Variants in ZDHHC15 observed in about 807,000 individuals in gnomAD.
The protein encoded by ZDHHC15 is palmitoyltransferase ZDHHC15.
Under a neutral mutation model 31.7 loss-of-function variants are expected in ZDHHC15, and 19 were observed. That is an observed-to-expected ratio of 0.60 (90% confidence interval 0.42 to 0.88). ZDHHC15 has a LOEUF of 0.88. Among genes scored for constraint, ZDHHC15 ranks in the 40% least tolerant of loss-of-function variants. The probability of loss-of-function intolerance (pLI) is 0.00; values close to 1 mark genes in which losing one functional copy is unlikely to be tolerated. For missense variants in ZDHHC15, 209 were observed against 251.2 expected (o/e 0.83, Z 1.14); for synonymous variants, 103 against 90.0 (o/e 1.14, Z -0.82).
intron 1 of ZDHHC15, among the ~76,000 whole-genome samples, chrX:75,520,057 C>T (rs1158546213): frequency 8.9e-6 from 1 of 111,880 alleles, no homozygotes; most frequent in Non-Finnish European, 1.9e-5. Context: ...TAAGTTTGGC[C>T]ATTTACTAGC....
In ZDHHC15 at chrX:75,407,360, G is replaced by A. The variant is rs769011554; in HGVS notation, c.967+9727C>T. Among the ~76,000 whole-genome samples, 15 of 110,594 alleles carry A rather than the reference G, an allele frequency of 1.4e-4. No homozygotes were observed. In the East Asian group the frequency reaches 2.4e-3, roughly 17 times the overall value. ...AGCCACCCCGTCTGGGAAGTGAGGAGTGTCTCCACCTGGCAGCCGCCCCGT... is the reference window on the plus strand; with the variant it reads ...AGCCACCCCGTCTGGGAAGTGAGGAATGTCTCCACCTGGCAGCCGCCCCGT... On this transcript the variant is annotated intron_variant, in intron 10 of 11. Transcript: ENST00000373367.
At chrX:75,448,695 C>T (rs1319737099) in intron 4 of ZDHHC15, among the ~76,000 whole-genome samples, 2 of 111,115 alleles carry the variant, frequency 1.8e-5, no homozygotes, top group Non-Finnish European at 3.8e-5. Flanking sequence ...AAAATTGTAA[C>T]CTTGTTATTG....
chrX:75,441,810 A>G (rs2083945908), intron 4 of ZDHHC15, among the ~76,000 whole-genome samples: 1 of 109,209 alleles, frequency 9.2e-6, no homozygotes, highest in African/African-American at 3.3e-5. Context: ...TTTTTAGTAG[A>G]GATGGGGTTT....
intron 10 of ZDHHC15, 130 bp downstream of exon 10, chrX:75,416,957 T>C (rs2083555660): frequency 2.1e-6 from 1 of 471,027 alleles, no homozygotes; most frequent in East Asian, 3.9e-5. Flanking sequence ...AATATGGCCA[T>C]ACTTGCTCTC....
At chrX:75,450,671 T>C in intron 4 of ZDHHC15, 131 bp downstream of exon 4, 1 of 1,176,318 alleles carries the variant, frequency 8.5e-7, no homozygotes, top group Non-Finnish European at 1.1e-6. Flanking sequence ...AAATAAAATG[T>C]GGAGAAAAAT....
At chrX:75,510,032 G>A (rs2085235890) in intron 1 of ZDHHC15, among the ~76,000 whole-genome samples, 1 of 111,607 alleles carries the variant, frequency 9.0e-6, no homozygotes, top group African/African-American at 3.3e-5. Context: ...ATAGGGAACT[G>A]AGACACATTT....
At chrX:75,379,327 G>T in intron 10 of ZDHHC15, 129 bp from the exon 11 acceptor site, 5 of 612,146 alleles carry the variant, frequency 8.2e-6, no homozygotes, top group Non-Finnish European at 1.3e-5. Context: ...TCTAAAGACT[G>T]ATGTGTAACA....
At chrX:75,483,028 C>T (rs970577663) in intron 2 of ZDHHC15, among the ~76,000 whole-genome samples, 1 of 102,465 alleles carries the variant, frequency 9.8e-6, no homozygotes, top group Non-Finnish European at 2.0e-5. Flanking sequence ...TATATATATA[C>T]ACACACATAC....
intron 2 of ZDHHC15, among the ~76,000 whole-genome samples, chrX:75,487,742 CCAGA>C (rs778297826): frequency 8.1e-5 from 9 of 111,326 alleles, no homozygotes; most frequent in Non-Finnish European, 1.3e-4. Context: ...CAAGGAGGCA[CCAGA>C]CAAAGGTGAA....
chrX:75,405,807 C>T (rs1248199811), intron 10 of ZDHHC15, among the ~76,000 whole-genome samples: 1 of 111,778 alleles, frequency 8.9e-6, no homozygotes, highest in Non-Finnish European at 1.9e-5. Flanking sequence ...ACACACTATA[C>T]CTAATAGGCC....
chrX:75,454,853 C>T, intron 3 of ZDHHC15, among the ~76,000 whole-genome samples: 1 of 111,334 alleles, frequency 9.0e-6, no homozygotes, highest in East Asian at 2.8e-4. Flanking sequence ...AACCACTGCT[C>T]AATTAAATAA....
intron 4 of ZDHHC15, among the ~76,000 whole-genome samples, chrX:75,441,743 C>T (rs1390528798): frequency 9.2e-6 from 1 of 108,912 alleles, no homozygotes; most frequent in Non-Finnish European, 1.9e-5. Context: ...CCTGCCTTAG[C>T]CCCCCGAGTA....
chrX:75,449,342 A>G (rs1212598177), intron 4 of ZDHHC15, among the ~76,000 whole-genome samples: 1 of 110,788 alleles, frequency 9.0e-6, no homozygotes, highest in Non-Finnish European at 1.9e-5. Context: ...GTATTTCCTC[A>G]GAGAAGCCTT....
At chrX:75,482,186 G>A (rs1455733972) in intron 2 of ZDHHC15, among the ~76,000 whole-genome samples, 1 of 111,075 alleles carries the variant, frequency 9.0e-6, no homozygotes, top group Non-Finnish European at 1.9e-5. Flanking sequence ...CTTACTATTT[G>A]GGTGATGGGC....
In ZDHHC15 at chrX:75,429,079, C is replaced by A; in HGVS notation, c.602G>T (p.Arg201Ile). The change falls in exon 7 of 12, where the codon AGA (arginine) becomes ATA (isoleucine). Residue 201 changes from arginine to isoleucine, a missense_variant and splice_region_variant. Physicochemically the swap from Arg to Ile is moderately conservative, Grantham distance 97. Coordinates refer to ENST00000373367, the MANE Select transcript of ZDHHC15 (RefSeq NM_144969.3). ...CCCTTCAGGATATTTTTAACTTACTCTCCAGTATTTGATGAAATAGCTGAA... is the reference window on the plus strand; with the variant it reads ...CCCTTCAGGATATTTTTAACTTACTATCCAGTATTTGATGAAATAGCTGAA... ...TVFSYFIKYW[R>I]GELPSVRSKF... 1 of 1,208,125 alleles carries A rather than the reference C, an allele frequency of 8.3e-7. No individual in the cohort carries two copies. The highest frequency in any genetic ancestry group is 1.8e-5 in the South Asian group (1 of 56,039).
intron 2 of ZDHHC15, among the ~76,000 whole-genome samples, chrX:75,489,909 C>T (rs1394839968): frequency 8.9e-6 from 1 of 111,995 alleles, no homozygotes; most frequent in East Asian, 2.8e-4. Flanking sequence ...CCTGATGGAG[C>T]TGAAAAACAA....
intron 2 of ZDHHC15, among the ~76,000 whole-genome samples, chrX:75,491,655 G>T (rs1157063756): frequency 9.0e-6 from 1 of 110,508 alleles, no homozygotes; most frequent in Non-Finnish European, 1.9e-5. Context: ...AAAAAGAAAA[G>T]AATTTTCAAC....
intron 3 of ZDHHC15, among the ~76,000 whole-genome samples, chrX:75,466,131 C>A (rs1318506365): frequency 9.0e-6 from 1 of 111,512 alleles, no homozygotes; most frequent in East Asian, 2.8e-4. Context: ...AAAAAGTGGG[C>A]AAACGACATG....
intron 3 of ZDHHC15, among the ~76,000 whole-genome samples, chrX:75,462,324 T>C (rs1266745004): frequency 8.9e-6 from 1 of 112,217 alleles, no homozygotes; most frequent in African/African-American, 3.2e-5. Flanking sequence ...ACAGTAATAG[T>C]GAAAGACTTT....
Sources: gnomAD v4.1 joint callset for allele counts (sites outside exome capture counted in the v4.1 genomes callset) on GRCh38, gnomAD v4.1.1 for gene constraint, MANE v1.5 for transcripts, NCBI Gene and HGNC (gene_info 2026-07-23, HGNC 2026-07-21) for gene names.